CADM1: variants seen among roughly 807,000 people sequenced by gnomAD.
CADM1 encodes the protein cell adhesion molecule 1.
CADM1 carries 15 observed loss-of-function variants against 53.1 expected under a neutral mutation model. That is an observed-to-expected ratio of 0.28 (90% confidence interval 0.19 to 0.44). The LOEUF (loss-of-function observed/expected upper bound fraction) is 0.44, where lower values mean the gene tolerates loss of function less well. Among genes scored for constraint, CADM1 ranks in the 20% least tolerant of loss-of-function variants. The pLI is 1.00. For synonymous variants in CADM1, 281 were observed against 243.0 expected (o/e 1.16, Z -1.45); for missense variants, 434 against 611.3 (o/e 0.71, Z 3.06).
At position 115,174,048 on chromosome 11, in the gene CADM1, T is replaced by G; in HGVS notation, c.*2426A>C. ...TACAACTAAAATCCATAATTTCCTG[T>G]TTTTGCTTTGTTTTATTATTATTTT... On this transcript the variant is annotated 3_prime_UTR_variant, in exon 12 of 12. Coordinates refer to ENST00000331581, the MANE Select transcript of CADM1 (RefSeq NM_001301043.2). The G allele has an allele frequency of 1.0e-6, 1 of 978,038 alleles. No individual in the cohort carries two copies. The highest frequency in any genetic ancestry group is 4.7e-5 in the South Asian group (1 of 21,126). The allele number at this position is 978,038 out of a possible 1,614,324, so 60.6% of individuals were successfully genotyped here. A position where few individuals can be genotyped will look rare whatever the true frequency, so the allele number is the denominator to read the frequency against.
rs568234600 is a variant in CADM1 at position 115,180,935 on chromosome 11, T to C, written c.1166-2160A>G. On this transcript the variant is annotated intron_variant, in intron 10 of 11. Coordinates refer to ENST00000331581, the MANE Select transcript of CADM1 (RefSeq NM_001301043.2). ...GTCTTTCGATGAACTCTGTATGTTT[T>C]AAAATTGGGGGAGGAAAACAAGTGA... is the stretch of plus-strand genomic sequence containing the variant. 1.1e-3 allele frequency among the ~76,000 whole-genome samples: 175 copies of C among 152,256 alleles called. 1 individual carries two copies. In the South Asian group the frequency reaches 0.018, roughly 16 times the overall value.
intron 10 of CADM1, among the ~76,000 whole-genome samples, chr11:115,184,393 T>C (rs990550495): frequency 2.0e-5 from 3 of 152,206 alleles, no homozygotes; most frequent in Non-Finnish European, 4.4e-5. Flanking sequence ...CTAATCCTAA[T>C]ATGTTATTCT....
chr11:115,487,556 G>GA (rs201383013), intron 1 of CADM1, among the ~76,000 whole-genome samples: 6 of 151,844 alleles, frequency 4.0e-5, no homozygotes, highest in Middle Eastern at 3.4e-3. Flanking sequence ...TAAAAAAGGT[G>GA]AAAAAAAATC....
intron 1 of CADM1, among the ~76,000 whole-genome samples, chr11:115,358,006 G>T (rs1373152203): frequency 6.6e-6 from 1 of 152,018 alleles, no homozygotes; most frequent in Admixed American, 6.6e-5. Flanking sequence ...CTTGATTGAG[G>T]TCTAATAAAT....
intron 1 of CADM1, among the ~76,000 whole-genome samples, chr11:115,350,218 G>A (rs1945691310): frequency 1.3e-5 from 2 of 152,146 alleles, no homozygotes; most frequent in African/African-American, 4.8e-5. Context: ...TGATGCACCC[G>A]CCTCAGCCTC....
chr11:115,205,354 C>G (rs1268441067), intron 8 of CADM1, among the ~76,000 whole-genome samples: 3 of 152,142 alleles, frequency 2.0e-5, no homozygotes, highest in Non-Finnish European at 4.4e-5. Flanking sequence ...GGGGCTAATA[C>G]TATCACAGAA....
At chr11:115,340,655 TA>T (rs1263158588) in intron 1 of CADM1, among the ~76,000 whole-genome samples, 635 of 37,256 alleles carry the variant, frequency 0.017, 13 homozygotes, top group Non-Finnish European at 0.027. Context: ...TATATATATA[TA>T]TATTTTTTTT....
In CADM1 at chr11:115,172,512, C is replaced by G. The variant is rs1345343028; in HGVS notation, c.*3962G>C. On this transcript the variant is annotated 3_prime_UTR_variant, in exon 12 of 12. Transcript: ENST00000331581. ...AGCTCTTTGTGAAGCTGTCTAGGGA[C>G]TCACCAGCCTTCACTGATTACCCTT... 2 of 152,226 alleles carry G rather than the reference C, an allele frequency of 1.3e-5. No homozygotes were observed. The highest frequency in any genetic ancestry group is 1.5e-5 in the Non-Finnish European group (1 of 68,084). 9.4% of individuals were successfully genotyped at this position (152,226 alleles called of 1,614,324 possible). A position where few individuals can be genotyped will look rare whatever the true frequency, so the allele number is the denominator to read the frequency against.
In CADM1 at chr11:115,174,903, CTTCT is replaced by C. The variant is rs1938953309; in HGVS notation, c.*1567_*1570del. On this transcript the variant is annotated 3_prime_UTR_variant, in exon 12 of 12. Coordinates refer to ENST00000331581, the MANE Select transcript of CADM1 (RefSeq NM_001301043.2). ...AGACGTTTCAGTGAAAATCCCCACACTTCTTTCTTTAAAACATGTAAATGGTAAC... is the reference window on the plus strand; with the variant it reads ...AGACGTTTCAGTGAAAATCCCCACACTTCTTTAAAACATGTAAATGGTAAC... 1.0e-6 allele frequency: 1 copy of C among 985,604 alleles called. No homozygotes were observed. Among genetic ancestry groups the C allele is most frequent in the African/African-American group, 1.7e-5 (1 of 57,200 alleles). The allele number at this position is 985,604 out of a possible 1,614,324, so 61.1% of individuals were successfully genotyped here.
At chr11:115,178,871 T>C in intron 10 of CADM1, 96 bp from the exon 11 acceptor site, 2 of 1,339,238 alleles carry the variant, frequency 1.5e-6, no homozygotes, top group East Asian at 4.6e-5. Context: ...GTCACCTTCT[T>C]TTTTAATGGA....
chr11:115,317,423 T>G (rs1050277687), intron 1 of CADM1, among the ~76,000 whole-genome samples: 1 of 152,124 alleles, frequency 6.6e-6, no homozygotes, highest in African/African-American at 2.4e-5. Flanking sequence ...GAAGGAACAT[T>G]TATCACACTA....
chr11:115,273,275 C>T (rs1241255885), intron 1 of CADM1, among the ~76,000 whole-genome samples: 1 of 152,220 alleles, frequency 6.6e-6, no homozygotes, highest in African/African-American at 2.4e-5. Context: ...AAGACATCAT[C>T]ACTGTCTAGA....
chr11:115,363,503 A>C (rs1946082328), intron 1 of CADM1: 3 of 152,184 alleles, frequency 2.0e-5, no homozygotes, highest in African/African-American at 7.2e-5. Flanking sequence ...TTTTAGGCTA[A>C]TTTTCCATTT....
At chr11:115,344,448 G>T (rs1945525167) in intron 1 of CADM1, among the ~76,000 whole-genome samples, 1 of 152,034 alleles carries the variant, frequency 6.6e-6, no homozygotes. Flanking sequence ...TTACATTGTG[G>T]ATTATATCTA....
chr11:115,278,373 TTAG>T (rs1201609369), intron 1 of CADM1, among the ~76,000 whole-genome samples: 6 of 152,170 alleles, frequency 3.9e-5, no homozygotes, highest in African/African-American at 1.4e-4. Context: ...AACTCAGGAT[TTAG>T]TAGGATAGAT....
chr11:115,484,007 GGTCATCCTACCCATAGGAGACCA>G (rs1949313735), intron 1 of CADM1, among the ~76,000 whole-genome samples: 1 of 152,114 alleles, frequency 6.6e-6, no homozygotes, highest in South Asian at 2.1e-4. Context: ...AGCACTTTTT[GGTCATCCTACCCATAGGAGACCA>G]GTCATCTCCT....
At position 115,175,888 on chromosome 11, in the gene CADM1, G is replaced by A. The variant is rs538469438; in HGVS notation, c.*586C>T. On this transcript the variant is annotated 3_prime_UTR_variant, in exon 12 of 12. Transcript: ENST00000331581. ...ATTGTTTGTTCACCCAAATCTTTAC[G>A]ACAACAGAGAAGAATGCATTATGGA... is the stretch of plus-strand genomic sequence containing the variant. 6.0e-5 allele frequency: 60 copies of A among 994,062 alleles called. 1 individual carries two copies. The highest frequency in any genetic ancestry group is 5.2e-4 in the Middle Eastern group (1 of 1,922). 61.6% of individuals were successfully genotyped at this position (994,062 alleles called of 1,614,324 possible).
chr11:115,475,499 C>T (rs1467717958), intron 1 of CADM1, among the ~76,000 whole-genome samples: 1 of 152,088 alleles, frequency 6.6e-6, no homozygotes, highest in Non-Finnish European at 1.5e-5. Context: ...CTCGTATCGC[C>T]AAAAACTGTC....
chr11:115,469,588 GTTCT>G (rs1241445531), intron 1 of CADM1, among the ~76,000 whole-genome samples: 2 of 149,744 alleles, frequency 1.3e-5, no homozygotes, highest in Non-Finnish European at 1.5e-5. Context: ...CTGCTACTTG[GTTCT>G]TTATTTAGTT....
Sources: allele counts gnomAD v4.1 joint callset (sites outside exome capture counted in the v4.1 genomes callset), GRCh38; gene constraint gnomAD v4.1.1; transcripts MANE v1.5; gene names NCBI Gene and HGNC (gene_info 2026-07-23, HGNC 2026-07-21).